The following RPS6KA5 variants were observed in gnomAD, a reference collection of about 807,000 sequenced individuals.
The protein encoded by RPS6KA5 is ribosomal protein S6 kinase alpha-5.
A neutral mutation model predicts 85.5 loss-of-function variants in RPS6KA5; 27 were observed. That is an observed-to-expected ratio of 0.32 (90% CI 0.23 to 0.44). The LOEUF (loss-of-function observed/expected upper bound fraction) is 0.44, where lower values mean the gene tolerates loss of function less well. Ranked by LOEUF, RPS6KA5 falls within the 20% of genes least tolerant of loss-of-function variation. The pLI, the probability that RPS6KA5 is intolerant of heterozygous loss-of-function variation, is 1.00. For missense variants in RPS6KA5, 811 were observed against 980.9 expected (o/e 0.83, Z 2.31); for synonymous variants, 334 against 348.2 (o/e 0.96, Z 0.46).
At position 90,865,364 on chromosome 14, in the gene RPS6KA5, T is replaced by C. The variant is rs533108527; in HGVS notation, c.*6710A>G. ...ACTGTTATTGCTACATGCAACAACA[T>C]AGATGCATTTCACAGACATAATGCT... On this transcript the variant is annotated 3_prime_UTR_variant, in exon 17 of 17. Coordinates refer to ENST00000614987, the MANE Select transcript of RPS6KA5 (RefSeq NM_004755.4). 1.3e-5 allele frequency: 2 copies of C among 152,302 alleles called. No individual in the cohort carries two copies. Among genetic ancestry groups the C allele is most frequent in the African/African-American group, 4.8e-5 (2 of 41,554 alleles). 9.4% of individuals were successfully genotyped at this position (152,302 alleles called of 1,614,324 possible). A position where few individuals can be genotyped will look rare whatever the true frequency, so the allele number is the denominator to read the frequency against.
At chr14:90,964,048 G>A (rs74370953) in intron 3 of RPS6KA5, among the ~76,000 whole-genome samples, 2 of 152,156 alleles carry the variant, frequency 1.3e-5, no homozygotes, top group African/African-American at 4.8e-5. Flanking sequence ...CCCAATCATG[G>A]CTGTGTCGTA....
chr14:90,987,367 T>A (rs2040099248), intron 2 of RPS6KA5, among the ~76,000 whole-genome samples: 1 of 146,336 alleles, frequency 6.8e-6, no homozygotes, highest in South Asian at 2.2e-4. Flanking sequence ...TATCATGTCA[T>A]CAAAAAGTAG....
chr14:90,992,454 C>G (rs1309123220), intron 2 of RPS6KA5, among the ~76,000 whole-genome samples: 2 of 152,140 alleles, frequency 1.3e-5, no homozygotes, highest in Non-Finnish European at 2.9e-5. Flanking sequence ...CTACTCAGTG[C>G]AGATGTATAA....
At chr14:90,970,278 G>A (rs1281932204) in intron 3 of RPS6KA5, among the ~76,000 whole-genome samples, 1 of 152,130 alleles carries the variant, frequency 6.6e-6, no homozygotes, top group Non-Finnish European at 1.5e-5. Flanking sequence ...TTCAGTTACT[G>A]TCTGTTTCGT....
chr14:91,008,344 G>T (rs2041118137), intron 1 of RPS6KA5, among the ~76,000 whole-genome samples: 1 of 152,166 alleles, frequency 6.6e-6, no homozygotes, highest in South Asian at 2.1e-4. Context: ...TTTATTCAAT[G>T]AATTAATCAT....
At chr14:91,045,567 G>A (rs1056725184) in intron 1 of RPS6KA5, among the ~76,000 whole-genome samples, 3 of 152,156 alleles carry the variant, frequency 2.0e-5, no homozygotes, top group African/African-American at 7.2e-5. Context: ...CCTGGCCTTT[G>A]CTGATTCTTA....
chr14:91,018,312 C>T (rs748170549), intron 1 of RPS6KA5, among the ~76,000 whole-genome samples: 1 of 152,174 alleles, frequency 6.6e-6, no homozygotes, highest in Non-Finnish European at 1.5e-5. Flanking sequence ...TCTTTGTTCT[C>T]TACTGTGATG....
chr14:90,914,205 A>C (rs2140272141), intron 7 of RPS6KA5, among the ~76,000 whole-genome samples: 1 of 150,662 alleles, frequency 6.6e-6, no homozygotes, highest in Non-Finnish European at 1.5e-5. Flanking sequence ...GAAACAACAG[A>C]GGGCCAGGTC....
At chr14:90,951,049 G>A (rs749554485) in intron 3 of RPS6KA5, among the ~76,000 whole-genome samples, 20 of 148,600 alleles carry the variant, frequency 1.3e-4, no homozygotes, top group Non-Finnish European at 2.1e-4. Flanking sequence ...GAACCGGGAG[G>A]CAGAGGTTGC....
At chr14:90,892,294 G>A (rs970411937) in intron 13 of RPS6KA5, among the ~76,000 whole-genome samples, 1 of 152,100 alleles carries the variant, frequency 6.6e-6, no homozygotes. Flanking sequence ...GAGCCACTGC[G>A]CTCGGCCAGT....
intron 12 of RPS6KA5, among the ~76,000 whole-genome samples, chr14:90,895,338 G>A (rs1426920827): frequency 2.6e-5 from 4 of 151,830 alleles, no homozygotes; most frequent in Non-Finnish European, 5.9e-5. Flanking sequence ...GAGACTGTCT[G>A]TACAAAAAAA....
chr14:91,023,169 T>C (rs920299605), intron 1 of RPS6KA5, among the ~76,000 whole-genome samples: 1 of 150,688 alleles, frequency 6.6e-6, no homozygotes, highest in African/African-American at 2.4e-5. Flanking sequence ...TACAAATAAG[T>C]ATATTAAGTG....
chr14:90,975,221 C>T (rs2039509526), intron 3 of RPS6KA5, among the ~76,000 whole-genome samples: 2 of 151,966 alleles, frequency 1.3e-5, no homozygotes, highest in South Asian at 2.1e-4. Flanking sequence ...TTTACTTAGT[C>T]ATCAGACAAA....
chr14:90,876,901 G>A (rs2033518042), intron 14 of RPS6KA5, among the ~76,000 whole-genome samples: 1 of 152,204 alleles, frequency 6.6e-6, no homozygotes, highest in South Asian at 2.1e-4. Context: ...TTTCTGACAA[G>A]TAGGCTTGTC....
At chr14:90,960,985 C>A (rs540301189) in intron 3 of RPS6KA5, among the ~76,000 whole-genome samples, 1 of 152,126 alleles carries the variant, frequency 6.6e-6, no homozygotes, top group Non-Finnish European at 1.5e-5. Context: ...GACGTTTGTA[C>A]GGAAGTAGCG....
chr14:91,043,130 C>G (rs887852757), intron 1 of RPS6KA5, among the ~76,000 whole-genome samples: 1 of 152,148 alleles, frequency 6.6e-6, no homozygotes, highest in Non-Finnish European at 1.5e-5. Context: ...ATCTTTTCTC[C>G]TTAGCTTCCA....
chr14:90,919,669 T>C lies in RPS6KA5; in HGVS notation c.806+537A>G, dbSNP rs184646430. On this transcript the variant is annotated intron_variant, in intron 7 of 16. Coordinates refer to ENST00000614987, the MANE Select transcript of RPS6KA5 (RefSeq NM_004755.4). ...AGAGCTTACAATCTAGTGTGACAGA[T>C]AGACATTAATCAAATAATTATAAAC... Among the ~76,000 whole-genome samples the C allele has an allele frequency of 2.4e-3, 362 of 152,244 alleles. 4 individuals carry two copies. Among genetic ancestry groups the C allele is most frequent in the Middle Eastern group, 0.017 (5 of 294 alleles).
chr14:90,964,168 C>T (rs530061852), intron 3 of RPS6KA5, among the ~76,000 whole-genome samples: 12 of 152,248 alleles, frequency 7.9e-5, no homozygotes, highest in African/African-American at 2.9e-4. Context: ...AATAATGCTG[C>T]TTCTCCTGAT....
chr14:91,008,843 A>G (rs1276536919), intron 1 of RPS6KA5, among the ~76,000 whole-genome samples: 1 of 152,226 alleles, frequency 6.6e-6, no homozygotes, highest in Non-Finnish European at 1.5e-5. Flanking sequence ...TTCTCCTGGC[A>G]GTAATGTACA....
Sources: gnomAD v4.1 joint callset for allele counts (sites outside exome capture counted in the v4.1 genomes callset) on GRCh38, gnomAD v4.1.1 for gene constraint, MANE v1.5 for transcripts, NCBI Gene and HGNC (gene_info 2026-07-23, HGNC 2026-07-21) for gene names.